The following MYBBP1A variants were observed in gnomAD, a reference collection of about 807,000 sequenced individuals.
MYBBP1A encodes MYB binding protein 1a.
MYBBP1A carries 147 observed loss-of-function variants against 136.3 expected under a neutral mutation model. The ratio of observed to expected loss-of-function variants is 1.08; its 90% CI spans 0.94 to 1.24. The LOEUF (loss-of-function observed/expected upper bound fraction) is 1.24, where lower values mean the gene tolerates loss of function less well. Ranked by LOEUF, MYBBP1A falls within the 50% of genes most tolerant of loss-of-function variation. MYBBP1A has a pLI of 0.00. For missense variants in MYBBP1A, 2,060 were observed against 1,727.4 expected (o/e 1.19, Z -3.41); for synonymous variants, 947 against 735.8 (o/e 1.29, Z -4.65).
At chr17:4,549,994 C>A (rs1043559367) in intron 9 of MYBBP1A, 64 bp downstream of exon 9, 8 of 1,530,562 alleles carry the variant, frequency 5.2e-6, no homozygotes, top group Non-Finnish European at 5.3e-6. Context: ...GCTTGGGTCG[C>A]GGGGCTCTGC....
In MYBBP1A at chr17:4,555,326, T is replaced by G. The variant is rs552756664; in HGVS notation, c.-2A>C. 7 of 1,590,220 alleles carry G rather than the reference T, an allele frequency of 4.4e-6. No individual in the cohort carries two copies. Among genetic ancestry groups the G allele is most frequent in the Non-Finnish European group, 6.0e-6 (7 of 1,169,718 alleles). ...CTGGGCGGGATCCCGGCTCTCCATC[T>G]CCGCCACACTCACCGAAACACGAAA... is the stretch of plus-strand genomic sequence containing the variant. On this transcript the variant is annotated 5_prime_UTR_variant, in exon 1 of 26. Transcript: ENST00000254718.
chr17:4,542,822 G>A (rs1906578355), intron 20 of MYBBP1A, 81 bp from the exon 21 acceptor site: 1 of 1,601,272 alleles, frequency 6.2e-7, no homozygotes, highest in Non-Finnish European at 8.5e-7. Flanking sequence ...ACCTTCATCA[G>A]AAGGCTGAGG....
In MYBBP1A at chr17:4,545,348, G is replaced by A. The variant is rs1230418383; in HGVS notation, c.2074-3C>T. 1 of 1,612,818 alleles carries A rather than the reference G, an allele frequency of 6.2e-7. No individual in the cohort carries two copies. The highest frequency in any genetic ancestry group is 8.5e-7 in the Non-Finnish European group (1 of 1,179,868). The stretch of plus-strand genomic sequence containing the variant: ...TCACTGGTCTCGGGGTTCAGCACCT[G>A]GGGAGGGGTGCCAGCCACTGACCCA... On this transcript the variant is annotated splice_polypyrimidine_tract_variant and splice_region_variant and intron_variant, in intron 15 of 25. Transcript: ENST00000254718.
chr17:4,542,111 A>G, intron 22 of MYBBP1A: 2 of 590,158 alleles, frequency 3.4e-6, no homozygotes, highest in Non-Finnish European at 6.0e-6. Flanking sequence ...AGGTTGGGAC[A>G]ATTCCTGCCC....
In MYBBP1A at chr17:4,540,261, G is replaced by A. The variant is rs987720198; in HGVS notation, c.3434+87C>T. On this transcript the variant is annotated intron_variant, in intron 25 of 25. Transcript: ENST00000254718. Reference sequence around the variant, plus strand: ...GCGTGTGCAGTGTGCGTGTGCAGCAGCGTGTGTGCAGCGTGTGTGTGTGTG... The same window carrying A: ...GCGTGTGCAGTGTGCGTGTGCAGCAACGTGTGTGCAGCGTGTGTGTGTGTG... 7.5e-6 allele frequency: 11 copies of A among 1,475,166 alleles called. No individual in the cohort carries two copies. The African/African-American group carries it at 1.4e-4, about 19-fold the overall frequency. The allele number at this position is 1,475,166 out of a possible 1,614,324, so 91.4% of individuals were successfully genotyped here. A position where few individuals can be genotyped will look rare whatever the true frequency, so the allele number is the denominator to read the frequency against.
intron 9 of MYBBP1A, 87 bp downstream of exon 9, chr17:4,549,971 C>T: frequency 7.0e-7 from 1 of 1,425,910 alleles, no homozygotes; most frequent in East Asian, 2.3e-5. Context: ...AGCCAGGACG[C>T]TGTGGAGGGC....
chr17:4,544,819 G>A lies in MYBBP1A; in HGVS notation c.2413C>T (p.Gln805Ter), dbSNP rs1436019666. 9 of 1,605,190 alleles carry A rather than the reference G, an allele frequency of 5.6e-6. No individual in the cohort carries two copies. Among genetic ancestry groups the A allele is most frequent in the Non-Finnish European group, 7.6e-6 (9 of 1,176,534 alleles). Residue 805 changes from glutamine to a stop codon, truncating the protein, a stop_gained, in exon 18 of 26, where the codon CAG (glutamine) becomes TAG (stop). Transcript: ENST00000254718. LOFTEE classifies it high-confidence loss of function. ...TTGTTCTTCTCGTCTCGCCGGGCCT[G>A]GATACGCAGCTTCTGCTCGGCAAAG... ...SLFAEQKLRI[Q>*]ARRDEKNKLQ...
Position 4,539,441 on chromosome 17 carries a change from G to A in MYBBP1A, c.3961C>T (p.Gln1321Ter). 1 of 1,613,714 alleles carries A rather than the reference G, an allele frequency of 6.2e-7. No homozygotes were observed. Among genetic ancestry groups the A allele is most frequent in the Non-Finnish European group, 8.5e-7 (1 of 1,179,738 alleles). ...CAGGGCTTCCCTGCCTTCCTCACCT[G>A]TGCTTTCTTCTTGGCCCCACTCTGA... The part of the protein sequence containing the change: ...LLQSGAKKKA[Q>*]VRKAGKP Residue 1321 changes from glutamine (Q) to a stop codon, truncating the protein, a stop_gained, in exon 26 of 26, where the codon CAG becomes TAG. Coordinates refer to ENST00000254718, the MANE Select transcript of MYBBP1A (RefSeq NM_014520.4). LOFTEE classifies it low-confidence loss of function (END_TRUNC).
chr17:4,541,591 A>C, intron 23 of MYBBP1A, 27 bp from the exon 24 acceptor site: 4 of 1,601,844 alleles, frequency 2.5e-6, no homozygotes, highest in Non-Finnish European at 3.4e-6. Flanking sequence ...AGGCTGAGGC[A>C]CTCCGGAGAG....
At chr17:4,540,175 T>C (rs12162152) in intron 25 of MYBBP1A, among the ~76,000 whole-genome samples, 173 bp downstream of exon 25, 22,211 of 131,416 alleles carry the variant, frequency 0.17, 2,299 homozygotes, top group East Asian at 0.55. Context: ...GAGGGTCCTG[T>C]GAGGGTCCTA....
chr17:4,551,517 T>G (rs1315261692), intron 8 of MYBBP1A, among the ~76,000 whole-genome samples: 1 of 152,232 alleles, frequency 6.6e-6, no homozygotes, highest in Non-Finnish European at 1.5e-5. Context: ...GAGACCAGCC[T>G]GGCCAACATG....
chr17:4,548,806 G>A lies in MYBBP1A; in HGVS notation c.1431-157C>T, dbSNP rs1351258988. ...CTCGGGGGCCTGACGGGCAAGGCTG[G>A]AGGGGGCTGGGCTGGGCTAGGATGG... is the stretch of plus-strand genomic sequence containing the variant. On this transcript the variant is annotated intron_variant, in intron 10 of 25. Transcript: ENST00000254718. The surrounding 1 kb of genome is among the most constrained non-coding windows in gnomAD (Gnocchi z 4.2). Among the ~76,000 whole-genome samples the A allele has an allele frequency of 6.6e-6, 1 of 152,214 alleles. No individual in the cohort carries two copies. Among genetic ancestry groups the A allele is most frequent in the Admixed American group, 6.5e-5 (1 of 15,278 alleles).
At chr17:4,545,489 G>C in intron 15 of MYBBP1A, 121 bp downstream of exon 15, 8 of 1,491,890 alleles carry the variant, frequency 5.4e-6, no homozygotes, top group Non-Finnish European at 7.2e-6. Context: ...GCCTCGTTGA[G>C]ACCCCTCCCA....
At chr17:4,543,216 C>T (rs1364816154) in intron 19 of MYBBP1A, 51 bp from the exon 20 acceptor site, 1 of 1,535,956 alleles carries the variant, frequency 6.5e-7, no homozygotes, top group Non-Finnish European at 8.7e-7. Flanking sequence ...GTCCACCCTG[C>T]TCCGCCAAGC....
chr17:4,551,813 CT>C, intron 8 of MYBBP1A, 66 bp downstream of exon 8: 1 of 1,464,304 alleles, frequency 6.8e-7, no homozygotes, highest in Non-Finnish European at 9.5e-7. Flanking sequence ...CCCTGCTCCC[CT>C]TTTTGGCAGG....
At chr17:4,549,931 C>T in intron 9 of MYBBP1A, 127 bp downstream of exon 9, 1 of 1,027,788 alleles carries the variant, frequency 9.7e-7, no homozygotes, top group Non-Finnish European at 1.4e-6. Context: ...AGAGCTAAGG[C>T]TCTTCCCCCT....
chr17:4,544,921 C>G lies in MYBBP1A; in HGVS notation c.2311G>C (p.Gly771Arg). ...MTVLQAGKAL[G>R]GEDSENEEEL... ...TCCTCGTTCTCACTGTCCTCTCCAC[C>G]CTGAGGGACAGAGGCCCAGCGGTCA... Residue 771 changes from glycine (G) to arginine (R), a missense_variant and splice_region_variant, in exon 18 of 26, where the codon GGT (glycine) becomes CGT (arginine). By Grantham distance (125) the Gly-to-Arg change is moderately radical (BLOSUM62 -2). Transcript: ENST00000254718. 6.3e-7 allele frequency: 1 copy of G among 1,598,244 alleles called. No individual in the cohort carries two copies. The highest frequency in any genetic ancestry group is 8.5e-7 in the Non-Finnish European group (1 of 1,171,090).
chr17:4,552,941 C>G lies in MYBBP1A; in HGVS notation c.562-315G>C, dbSNP rs1418387097. Among the ~76,000 whole-genome samples, 1 of 151,746 alleles carries G rather than the reference C, an allele frequency of 6.6e-6. No individual in the cohort carries two copies. The highest frequency in any genetic ancestry group is 1.5e-5 in the Non-Finnish European group (1 of 67,982). ...CTCCGCCTCCCAGGTTGAAGCAATT[C>G]TCCTGCCTCAGGTGGGATTAAAGGT... is the stretch of plus-strand genomic sequence containing the variant. On this transcript the variant is annotated intron_variant, in intron 5 of 25. Transcript: ENST00000254718. The surrounding 1 kb of genome is among the most constrained non-coding windows in gnomAD (Gnocchi z 4.7).
chr17:4,554,047 G>A lies in MYBBP1A; in HGVS notation c.425C>T (p.Ala142Val), dbSNP rs1271328787. The stretch of plus-strand genomic sequence containing the variant: ...CACCAGCCGACCTGACTGAAAGAGG[G>A]CGAGCACTCCAAACAGGTTTGCAAA... ...ALFANLFGVL[A>V]LFQSGRLVKD... Residue 142 changes from alanine (A) to valine (V), a missense_variant, in exon 4 of 26, where the codon GCC (alanine) becomes GTC (valine). Transcript: ENST00000254718. 2 of 1,614,046 alleles carry A rather than the reference G, an allele frequency of 1.2e-6. No individual in the cohort carries two copies. Among genetic ancestry groups the A allele is most frequent in the Middle Eastern group, 1.6e-4 (1 of 6,062 alleles).
Sources: allele counts gnomAD v4.1 joint callset (sites outside exome capture counted in the v4.1 genomes callset), GRCh38; gene constraint gnomAD v4.1.1; non-coding constraint Gnocchi (gnomAD v3.1); transcripts MANE v1.5; gene names NCBI Gene and HGNC (gene_info 2026-07-23, HGNC 2026-07-21).